The following TMEM132B variants were observed in gnomAD, a reference collection of about 807,000 sequenced individuals.
TMEM132B encodes the protein transmembrane protein 132B.
In TMEM132B, 18 loss-of-function variants were observed where a neutral mutation model predicts 90.8. The observed-to-expected ratio is 0.20, with a 90% confidence interval of 0.14 to 0.29. The LOEUF is 0.29. Among genes scored for constraint, TMEM132B ranks in the 10% least tolerant of loss-of-function variants. The probability of loss-of-function intolerance (pLI) is 1.00; values close to 1 mark genes in which losing one functional copy is unlikely to be tolerated. For missense variants in TMEM132B, 1,096 were observed against 1,326.8 expected (o/e 0.83, Z 2.70); for synonymous variants, 504 against 523.3 (o/e 0.96, Z 0.50).
At chr12:125,219,483 C>T (rs899487198) in intron 1 of TMEM132B, among the ~76,000 whole-genome samples, 9 of 152,112 alleles carry the variant, frequency 5.9e-5, no homozygotes, top group African/African-American at 2.2e-4. Context: ...ACTGTCCTTC[C>T]CCTAGGCACA....
intron 5 of TMEM132B, among the ~76,000 whole-genome samples, chr12:125,604,108 A>G (rs930104261): frequency 2.6e-5 from 4 of 152,252 alleles, no homozygotes; most frequent in African/African-American, 9.6e-5. Flanking sequence ...ATATACCTAA[A>G]GGAATGTAAA....
At chr12:125,234,184 A>T (rs1873882121) in intron 1 of TMEM132B, among the ~76,000 whole-genome samples, 1 of 152,036 alleles carries the variant, frequency 6.6e-6, no homozygotes, top group Non-Finnish European at 1.5e-5. Context: ...GCTGTGTGTG[A>T]TGTGATGAAG....
At chr12:125,275,528 C>T (rs1033704975) in intron 1 of TMEM132B, among the ~76,000 whole-genome samples, 2 of 151,962 alleles carry the variant, frequency 1.3e-5, no homozygotes, top group African/African-American at 4.8e-5. Context: ...GGAGGAATAT[C>T]CAGATTATTA....
Position 125,659,417 on chromosome 12 carries a change from A to G in TMEM132B, c.*4707A>G, listed in dbSNP as rs376339264. Reference sequence around the variant, plus strand: ...TTGCTCGTCAATGGCTTGGTCTTGTATATGTATCTGGGGCAGGGGCTTTGT... The same window carrying G: ...TTGCTCGTCAATGGCTTGGTCTTGTGTATGTATCTGGGGCAGGGGCTTTGT... On this transcript the variant is annotated 3_prime_UTR_variant, in exon 9 of 9. Transcript: ENST00000682704. 1 of 152,286 alleles carries G rather than the reference A, an allele frequency of 6.6e-6. No individual in the cohort carries two copies. Among genetic ancestry groups the G allele is most frequent in the African/African-American group, 2.4e-5 (1 of 41,420 alleles). The allele number at this position is 152,286 out of a possible 1,614,324, so 9.4% of individuals were successfully genotyped here. A position where few individuals can be genotyped will look rare whatever the true frequency, so the allele number is the denominator to read the frequency against.
chr12:125,615,009 GT>G (rs1280551586), intron 5 of TMEM132B, among the ~76,000 whole-genome samples: 2 of 151,978 alleles, frequency 1.3e-5, no homozygotes, highest in African/African-American at 4.8e-5. Flanking sequence ...CTGTCCTCAG[GT>G]TTTATTATTT....
chr12:125,198,439 G>T (rs1481664245), intron 1 of TMEM132B, among the ~76,000 whole-genome samples: 1 of 152,254 alleles, frequency 6.6e-6, no homozygotes, highest in East Asian at 1.9e-4. Context: ...CCCTTCTGAT[G>T]GCAAAGCTGG....
chr12:125,534,097 G>A (rs947672688), intron 4 of TMEM132B, among the ~76,000 whole-genome samples: 4 of 152,144 alleles, frequency 2.6e-5, no homozygotes, highest in Admixed American at 2.6e-4. Context: ...TGTGTGCTGG[G>A]TTTTTTCTTT....
In TMEM132B at chr12:125,490,758, G is replaced by A. The variant is rs939149706; in HGVS notation, c.1107-28681G>A. On this transcript the variant is annotated intron_variant, in intron 3 of 8. Transcript: ENST00000682704. This position sits in a 1 kb window ranked among gnomAD's most constrained non-coding sequence, Gnocchi z 4.2. The stretch of plus-strand genomic sequence containing the variant: ...TGGGATTACAGGTGTGAGCCACCGC[G>A]CCCGGCCAATTTCTTTCCTTTTGAG... Among the ~76,000 whole-genome samples, 15 of 152,132 alleles carry A rather than the reference G, an allele frequency of 9.9e-5. No homozygotes were observed. The highest frequency in any genetic ancestry group is 2.9e-4 in the African/African-American group (12 of 41,414).
intron 1 of TMEM132B, among the ~76,000 whole-genome samples, chr12:125,295,534 G>GAC (rs1238145248): frequency 2.4e-5 from 3 of 124,816 alleles, no homozygotes; most frequent in African/African-American, 5.9e-5. Context: ...GAGAGAGAGA[G>GAC]AGAGAGAGAC....
intron 1 of TMEM132B, among the ~76,000 whole-genome samples, chr12:125,329,790 A>G (rs1876707980): frequency 6.6e-6 from 1 of 152,198 alleles, no homozygotes; most frequent in South Asian, 2.1e-4. Flanking sequence ...AAACAACAGG[A>G]ACAGCTTTCA....
At chr12:125,391,891 T>C (rs1414156025) in intron 2 of TMEM132B, among the ~76,000 whole-genome samples, 1 of 152,078 alleles carries the variant, frequency 6.6e-6, no homozygotes, top group East Asian at 1.9e-4. Context: ...CTTAGCCTCC[T>C]GAGTAGCTGG....
At chr12:125,640,518 C>G (rs1420254930) in intron 5 of TMEM132B, among the ~76,000 whole-genome samples, 2 of 152,098 alleles carry the variant, frequency 1.3e-5, no homozygotes, top group Non-Finnish European at 2.9e-5. Context: ...GGAGGGCGTG[C>G]AAGGTGAGGC....
At chr12:125,200,963 G>A (rs1031830134) in intron 1 of TMEM132B, among the ~76,000 whole-genome samples, 3 of 152,308 alleles carry the variant, frequency 2.0e-5, no homozygotes, top group East Asian at 1.9e-4. Flanking sequence ...TAGGAGCACC[G>A]TCTAAGTTCT....
chr12:125,325,287 C>T (rs1014012083), intron 1 of TMEM132B, among the ~76,000 whole-genome samples: 8 of 152,092 alleles, frequency 5.3e-5, no homozygotes, highest in South Asian at 2.1e-4. Flanking sequence ...AAAACAGGAG[C>T]GTTTGATGCC....
At chr12:125,612,748 C>G (rs182591915) in intron 5 of TMEM132B, among the ~76,000 whole-genome samples, 2 of 139,952 alleles carry the variant, frequency 1.4e-5, no homozygotes, top group Admixed American at 1.5e-4. Flanking sequence ...ATACATGTCC[C>G]TCTGTCCTTT....
At position 125,560,831 on chromosome 12, in the gene TMEM132B, C is replaced by CAAAA. The variant is rs58083131; in HGVS notation, c.1294-22994_1294-22991dup. Among the ~76,000 whole-genome samples, 154 of 29,256 alleles carry CAAAA rather than the reference C, an allele frequency of 5.3e-3. 51 individuals are homozygous for CAAAA. The highest frequency in any genetic ancestry group is 0.043 in the East Asian group (21 of 490). 19.2% of individuals were successfully genotyped at this position (29,256 alleles called of 152,430 possible). A position where few individuals can be genotyped will look rare whatever the true frequency, so the allele number is the denominator to read the frequency against. On this transcript the variant is annotated intron_variant, in intron 4 of 8. Transcript: ENST00000682704. ...TGGGTGACAGAGCGAGACTCTGTCT[C>CAAAA]AAAAAAAAAAAAAAAAAAAAAAAAA...
chr12:125,386,423 T>C (rs755519496), intron 2 of TMEM132B, among the ~76,000 whole-genome samples: 2 of 152,260 alleles, frequency 1.3e-5, no homozygotes, highest in Non-Finnish European at 2.9e-5. Context: ...ATTGGCACCA[T>C]TGGTGTTTTA....
At chr12:125,357,601 A>G (rs1280573458) in intron 2 of TMEM132B, among the ~76,000 whole-genome samples, 1 of 152,260 alleles carries the variant, frequency 6.6e-6, no homozygotes, top group Non-Finnish European at 1.5e-5. Context: ...AAACAATGCC[A>G]TTAAGTTCTA....
rs1443112724 is a variant in TMEM132B at position 125,428,289 on chromosome 12, C to G, written c.1106+12612C>G. Among the ~76,000 whole-genome samples, 3 of 123,300 alleles carry G rather than the reference C, an allele frequency of 2.4e-5. No homozygotes were observed. In the Admixed American group the frequency reaches 2.7e-4, roughly 11 times the overall value. The allele number at this position is 123,300 out of a possible 152,430, so 80.9% of individuals were successfully genotyped here. A position where few individuals can be genotyped will look rare whatever the true frequency, so the allele number is the denominator to read the frequency against. On this transcript the variant is annotated intron_variant, in intron 3 of 8. Coordinates refer to ENST00000682704, the MANE Select transcript of TMEM132B (RefSeq NM_001366854.1). The stretch of plus-strand genomic sequence containing the variant: ...GATTACAGGTGTGAGCCACTGCACC[C>G]AGCTGTAAATGACTCTTTATTTGGC...
Sources: allele counts gnomAD v4.1 joint callset (sites outside exome capture counted in the v4.1 genomes callset), GRCh38; gene constraint gnomAD v4.1.1; non-coding constraint Gnocchi (gnomAD v3.1); transcripts MANE v1.5; gene names NCBI Gene and HGNC (gene_info 2026-07-23, HGNC 2026-07-21).